Variants in SFMBT2 observed in about 807,000 individuals in gnomAD.
SFMBT2 encodes scm-like with four MBT domains protein 2.
In SFMBT2, 38 loss-of-function variants were observed where a neutral mutation model predicts 110.1. That is an observed-to-expected ratio of 0.35 (90% CI 0.27 to 0.45). The LOEUF is 0.45. Ranked by LOEUF, SFMBT2 falls within the 20% of genes least tolerant of loss-of-function variation. The pLI is 1.00. For synonymous variants in SFMBT2, 425 were observed against 425.4 expected, an observed-to-expected ratio of 1.00 and a Z score of 0.01; for missense variants, 1,011 against 1,094.9, an observed-to-expected ratio of 0.92 and a Z score of 1.08.
intron 4 of SFMBT2, among the ~76,000 whole-genome samples, chr10:7,318,632 T>C (rs973834637): frequency 2.0e-5 from 3 of 152,260 alleles, no homozygotes; most frequent in African/African-American, 7.2e-5. Flanking sequence ...GTCATACTGA[T>C]AGAAGAATAT....
At chr10:7,192,877 G>C (rs1435653912) in intron 15 of SFMBT2, among the ~76,000 whole-genome samples, 1 of 152,084 alleles carries the variant, frequency 6.6e-6, no homozygotes, top group Non-Finnish European at 1.5e-5. Flanking sequence ...TGATTCTGCT[G>C]GTCTACGCCT....
chr10:7,222,110 C>T (rs996470250), intron 10 of SFMBT2, among the ~76,000 whole-genome samples: 1 of 152,188 alleles, frequency 6.6e-6, no homozygotes, highest in Non-Finnish European at 1.5e-5. Flanking sequence ...ATATCTGTAG[C>T]CTTTCGAGTC....
chr10:7,298,519 T>C (rs940193435), intron 4 of SFMBT2, among the ~76,000 whole-genome samples: 29 of 152,158 alleles, frequency 1.9e-4, no homozygotes, highest in African/African-American at 6.8e-4. Context: ...GGTTCTTAAC[T>C]CATCAACAGG....
intron 4 of SFMBT2, among the ~76,000 whole-genome samples, chr10:7,329,796 G>A (rs1174855641): frequency 6.6e-6 from 1 of 152,222 alleles, no homozygotes; most frequent in Non-Finnish European, 1.5e-5. Context: ...AAGGGTTCCA[G>A]CAAATGAGGT....
At chr10:7,242,623 G>A (rs775533971) in intron 9 of SFMBT2, among the ~76,000 whole-genome samples, 3 of 152,172 alleles carry the variant, frequency 2.0e-5, no homozygotes, top group Non-Finnish European at 4.4e-5. Context: ...CATCTCCTCC[G>A]TAAGGACAAA....
intron 4 of SFMBT2, among the ~76,000 whole-genome samples, chr10:7,330,115 T>G (rs1350194940): frequency 6.6e-6 from 1 of 152,140 alleles, no homozygotes; most frequent in African/African-American, 2.4e-5. Context: ...GCCCAAAGAT[T>G]GGGTTGTAAA....
intron 4 of SFMBT2, among the ~76,000 whole-genome samples, chr10:7,288,801 C>T (rs904866572): frequency 2.0e-5 from 3 of 151,738 alleles, no homozygotes; most frequent in Admixed American, 6.6e-5. Context: ...GAGGCCAAGG[C>T]GGGTGGATCA....
At chr10:7,168,547 G>A (rs1013751645) in intron 20 of SFMBT2, among the ~76,000 whole-genome samples, 1 of 152,238 alleles carries the variant, frequency 6.6e-6, no homozygotes, top group African/African-American at 2.4e-5. Flanking sequence ...ATACGCATCA[G>A]TGCAACCAAA....
At chr10:7,338,611 G>A (rs1008070421) in intron 4 of SFMBT2, among the ~76,000 whole-genome samples, 11 of 152,292 alleles carry the variant, frequency 7.2e-5, no homozygotes, top group Admixed American at 3.9e-4. Flanking sequence ...ACATAGGTGA[G>A]GAGGAGTAGG....
intron 7 of SFMBT2, among the ~76,000 whole-genome samples, chr10:7,265,590 T>G (rs537716524): frequency 1.3e-5 from 2 of 152,310 alleles, no homozygotes; most frequent in South Asian, 4.1e-4. Context: ...TTCCTCTTCT[T>G]AGCAAAGAAC....
chr10:7,186,475 A>T (rs12415321), intron 16 of SFMBT2, among the ~76,000 whole-genome samples: 53,472 of 136,260 alleles, frequency 0.39, 11,078 homozygotes, highest in East Asian at 0.81. Flanking sequence ...TATATATATA[A>T]AAATATTTTA....
intron 4 of SFMBT2, among the ~76,000 whole-genome samples, chr10:7,298,088 C>G (rs1279543972): frequency 2.6e-5 from 4 of 152,248 alleles, no homozygotes. Flanking sequence ...GAGGCCCTCG[C>G]AGCTTGTCCT....
chr10:7,247,871 G>T (rs550960895), intron 8 of SFMBT2, among the ~76,000 whole-genome samples: 15 of 152,142 alleles, frequency 9.9e-5, no homozygotes, highest in African/African-American at 3.4e-4. Context: ...TATTATACTG[G>T]TTTTTAAAAT....
intron 11 of SFMBT2, among the ~76,000 whole-genome samples, chr10:7,214,180 G>A (rs2131633866): frequency 6.6e-6 from 1 of 152,232 alleles, no homozygotes; most frequent in South Asian, 2.1e-4. Flanking sequence ...AGCAGGAGAT[G>A]GAGAATATAT....
At chr10:7,219,252 T>C (rs1298832194) in intron 11 of SFMBT2, among the ~76,000 whole-genome samples, 1 of 152,250 alleles carries the variant, frequency 6.6e-6, no homozygotes, top group Non-Finnish European at 1.5e-5. Context: ...ACGTTGCCTG[T>C]GTCTACACTT....
Position 7,197,565 on chromosome 10 carries a change from C to A in SFMBT2, c.1681G>T (p.Val561Leu), listed in dbSNP as rs145231461. 1 of 1,614,150 alleles carries A rather than the reference C, an allele frequency of 6.2e-7. No homozygotes were observed. The highest frequency in any genetic ancestry group is 8.5e-7 in the Non-Finnish European group (1 of 1,180,018). Reference protein sequence around the residue: ...LPQSVGPGKCVLVLKEVLSMI... With the variant: ...LPQSVGPGKCLLVLKEVLSMI... The stretch of plus-strand genomic sequence containing the variant: ...GGCTTTACCTCTTTAAGAACCAGCA[C>A]GCATTTGCCCGGTCCCACCGACTGA... Residue 561 changes from valine (V) to leucine (L), a missense_variant, in exon 15 of 21, where the codon GTG (valine) becomes TTG (leucine). Physicochemically the swap from Val to Leu is conservative, Grantham distance 32. Coordinates refer to ENST00000397167, the MANE Select transcript of SFMBT2 (RefSeq NM_001387889.1).
At chr10:7,339,435 G>T (rs1843822839) in intron 4 of SFMBT2, among the ~76,000 whole-genome samples, 1 of 152,124 alleles carries the variant, frequency 6.6e-6, no homozygotes, top group Non-Finnish European at 1.5e-5. Context: ...AAAATGCTAA[G>T]AGCTGAAGAT....
Position 7,214,531 on chromosome 10 carries a change from CT to C in SFMBT2, c.1330+5879del, listed in dbSNP as rs1236081622. On this transcript the variant is annotated intron_variant, in intron 11 of 20. Coordinates refer to ENST00000397167, the MANE Select transcript of SFMBT2 (RefSeq NM_001387889.1). The stretch of plus-strand genomic sequence containing the variant: ...ATTTATTCCTGAGCTATCACTGCTT[CT>C]TGTGTTTAAATACCTATGAGGAAAT... 3 of 980,398 alleles carry C rather than the reference CT, an allele frequency of 3.1e-6. No individual in the cohort carries two copies. In the Admixed American group the frequency reaches 1.8e-4, roughly 60 times the overall value. 60.7% of individuals were successfully genotyped at this position (980,398 alleles called of 1,614,324 possible).
rs765647086 is a variant in SFMBT2 at position 7,200,449 on chromosome 10, T to C, written c.1523A>G (p.His508Arg). 6.2e-7 allele frequency: 1 copy of C among 1,601,730 alleles called. No individual in the cohort carries two copies. The highest frequency in any genetic ancestry group is 2.3e-5 in the East Asian group (1 of 44,024). The change falls in exon 14 of 21, where the codon CAT becomes CGT. Residue 508 changes from histidine to arginine, a missense_variant. By Grantham distance (29) the His-to-Arg change is conservative. Transcript: ENST00000397167. ...CAGGTGAGGGAATAAACAAAGGTCATGAGGTATTTTCTTAACAGGCACTGT... is the reference window on the plus strand; with the variant it reads ...CAGGTGAGGGAATAAACAAAGGTCACGAGGTATTTTCTTAACAGGCACTGT... ...PPTVPVKKIP[H>R]DLCLFPHLDT...
Sources: gnomAD v4.1 joint callset for allele counts (sites outside exome capture counted in the v4.1 genomes callset) on GRCh38, gnomAD v4.1.1 for gene constraint, MANE v1.5 for transcripts, NCBI Gene and HGNC (gene_info 2026-07-23, HGNC 2026-07-21) for gene names.